Variants in RNF38 observed in about 807,000 individuals in gnomAD.
The protein encoded by RNF38 is ring finger protein 38.
A neutral mutation model predicts 67.2 loss-of-function variants in RNF38; 15 were observed. The ratio of observed to expected loss-of-function variants is 0.22; its 90% CI spans 0.15 to 0.34. The LOEUF is 0.34. Ranked by LOEUF, RNF38 falls within the 10% of genes least tolerant of loss-of-function variation. The probability of loss-of-function intolerance (pLI) is 1.00; values close to 1 mark genes in which losing one functional copy is unlikely to be tolerated. For missense variants in RNF38, 524 were observed against 639.9 expected, an observed-to-expected ratio of 0.82 and a Z score of 1.95; for synonymous variants, 220 against 218.8, an observed-to-expected ratio of 1.01 and a Z score of -0.05.
At chr9:36,386,510 G>C (rs562940636) in intron 2 of RNF38, among the ~76,000 whole-genome samples, 48 of 152,098 alleles carry the variant, frequency 3.2e-4, no homozygotes, top group Non-Finnish European at 6.3e-4. Context: ...TTTGTTAGAG[G>C]CGTTTGAACC....
chr9:36,484,091 T>C (rs1008211966), intron 1 of RNF38, among the ~76,000 whole-genome samples: 4 of 152,142 alleles, frequency 2.6e-5, no homozygotes, highest in African/African-American at 9.7e-5. Flanking sequence ...AAACCCAAGA[T>C]AGTGGTTCTC....
At position 36,382,907 on chromosome 9, in the gene RNF38, AAC is replaced by A. The variant is rs528582165; in HGVS notation, c.163-6782_163-6781del. Among the ~76,000 whole-genome samples, 684 of 152,352 alleles carry A rather than the reference AAC, an allele frequency of 4.5e-3. 4 individuals are homozygous for A. Among genetic ancestry groups the A allele is most frequent in the Non-Finnish European group, 8.4e-3 (571 of 68,040 alleles). ...GTTTCTTATTCCACAATTAAGGAAAAACAGTTAAATGCAAAGGGCCCAGGAAG... is the reference window on the plus strand; with the variant it reads ...GTTTCTTATTCCACAATTAAGGAAAAAGTTAAATGCAAAGGGCCCAGGAAG... On this transcript the variant is annotated intron_variant, in intron 2 of 11. Coordinates refer to ENST00000259605, the MANE Select transcript of RNF38 (RefSeq NM_022781.5).
At chr9:36,403,620 A>G (rs1838111691), upstream of RNF38, among the ~76,000 whole-genome samples, 3 of 152,246 alleles carry the variant, frequency 2.0e-5, no homozygotes, top group Non-Finnish European at 4.4e-5. Flanking sequence ...CAATTTTAAA[A>G]TAAAAATATA....
chr9:36,441,167 TAAGGTTACAAA>T (rs1012996001), intron 1 of RNF38, among the ~76,000 whole-genome samples: 7 of 152,180 alleles, frequency 4.6e-5, no homozygotes, highest in African/African-American at 1.7e-4. Context: ...TGTAATGTAC[TAAGGTTACAAA>T]AAGGCCTTTG....
chr9:36,440,430 C>T (rs1311540024), intron 1 of RNF38, among the ~76,000 whole-genome samples: 1 of 151,812 alleles, frequency 6.6e-6, no homozygotes, highest in East Asian at 1.9e-4. Context: ...ACTAGGGAGG[C>T]TGAGGCAGGA....
rs1238772836 is a variant in RNF38 at position 36,390,580 on chromosome 9, G to A, written c.49C>T (p.His17Tyr). ...CTTTCACAAATCACCTTGTTAGGAT[G>A]GCCAGGTAGAGATGCTGAATTGGCC... ...PGANSASLPGHPNKVICERVR... is the reference protein window; with the variant it reads ...PGANSASLPGYPNKVICERVR... The change falls in exon 2 of 12, where the codon CAT (histidine) becomes TAT (tyrosine). Residue 17 changes from histidine (H) to tyrosine (Y), a missense_variant. Transcript: ENST00000259605. The A allele has an allele frequency of 8.7e-6, 14 of 1,614,084 alleles. No homozygotes were observed. The highest frequency in any genetic ancestry group is 1.2e-5 in the Non-Finnish European group (14 of 1,179,978).
At chr9:36,425,324 A>G (rs1380478221) in intron 1 of RNF38, among the ~76,000 whole-genome samples, 1 of 152,212 alleles carries the variant, frequency 6.6e-6, no homozygotes, top group African/African-American at 2.4e-5. Flanking sequence ...TTCATACCAT[A>G]AACAAAATGG....
intron 1 of RNF38, among the ~76,000 whole-genome samples, chr9:36,471,286 A>G (rs1261250015): frequency 1.3e-5 from 2 of 152,250 alleles, no homozygotes; most frequent in African/African-American, 4.8e-5. Flanking sequence ...TTTCAATTTA[A>G]TAACTTTTCT....
At chr9:36,366,366 A>G (rs922210592) in intron 4 of RNF38, among the ~76,000 whole-genome samples, 23 of 152,332 alleles carry the variant, frequency 1.5e-4, no homozygotes, top group South Asian at 4.1e-4. Flanking sequence ...CCTCTCAAAC[A>G]GAATCAAAAA....
At chr9:36,414,059 G>A (rs894595209) in intron 2 of RNF38, among the ~76,000 whole-genome samples, 18 of 152,070 alleles carry the variant, frequency 1.2e-4, no homozygotes, top group African/African-American at 2.9e-4. Context: ...TCCGGATAGC[G>A]ACTCCTGTTT....
intron 1 of RNF38, among the ~76,000 whole-genome samples, chr9:36,456,602 T>C (rs1360508263): frequency 6.6e-6 from 1 of 152,112 alleles, no homozygotes; most frequent in Non-Finnish European, 1.5e-5. Flanking sequence ...GCCTTGCCAG[T>C]GAAGGCTGTC....
At chr9:36,381,553 C>G (rs1554686086) in intron 2 of RNF38, among the ~76,000 whole-genome samples, 3 of 152,228 alleles carry the variant, frequency 2.0e-5, no homozygotes, top group Non-Finnish European at 4.4e-5. Flanking sequence ...AACTCACACA[C>G]CCCTACAGGT....
intron 1 of RNF38, among the ~76,000 whole-genome samples, chr9:36,478,461 A>ATT (rs201238999): frequency 6.8e-6 from 1 of 147,170 alleles, no homozygotes; most frequent in African/African-American, 2.6e-5. Flanking sequence ...AGATAAACTG[A>ATT]TTTTTTTTCT....
intron 1 of RNF38, among the ~76,000 whole-genome samples, chr9:36,471,025 A>T (rs574471513): frequency 2.1e-4 from 32 of 152,236 alleles, no homozygotes; most frequent in African/African-American, 7.5e-4. Flanking sequence ...GTACATATTT[A>T]TGCCTAAGAA....
chr9:36,417,086 T>C (rs1158364891), intron 2 of RNF38, among the ~76,000 whole-genome samples: 2 of 152,148 alleles, frequency 1.3e-5, no homozygotes, highest in African/African-American at 4.8e-5. Context: ...ATATTTCATT[T>C]GGCTCTCTAA....
chr9:36,365,659 A>T (rs1834884662), intron 4 of RNF38, among the ~76,000 whole-genome samples: 3 of 119,766 alleles, frequency 2.5e-5, no homozygotes, highest in Admixed American at 1.2e-4. Flanking sequence ...GTTAAGACTG[A>T]TAGTTTTTTT....
At position 36,369,938 on chromosome 9, in the gene RNF38, A is replaced by G. The variant is rs771030752; in HGVS notation, c.357-6T>C. ...TCTGGCGCCTGACAGGAGGACTGTG[A>G]TAAATATCAAAAAGAAAGTCATTAT... On this transcript the variant is annotated splice_region_variant and splice_polypyrimidine_tract_variant and intron_variant, in intron 3 of 11. Transcript: ENST00000259605. The G allele has an allele frequency of 1.2e-6, 2 of 1,608,950 alleles. No homozygotes were observed. The highest frequency in any genetic ancestry group is 1.7e-6 in the Non-Finnish European group (2 of 1,177,720).
At chr9:36,383,183 T>C (rs967128732) in intron 2 of RNF38, among the ~76,000 whole-genome samples, 1 of 152,190 alleles carries the variant, frequency 6.6e-6, no homozygotes, top group African/African-American at 2.4e-5. Context: ...TTTTAAACTA[T>C]GTCCAGATAA....
upstream of RNF38, chr9:36,400,770 G>A (rs1198848788): frequency 3.0e-6 from 3 of 985,646 alleles, no homozygotes; most frequent in Non-Finnish European, 3.6e-6. Context: ...AACGACGGCT[G>A]CACGCCCAGA....
Sources: gnomAD v4.1 joint callset for allele counts (sites outside exome capture counted in the v4.1 genomes callset) on GRCh38, gnomAD v4.1.1 for gene constraint, MANE v1.5 for transcripts, NCBI Gene and HGNC (gene_info 2026-07-23, HGNC 2026-07-21) for gene names.